SPATS2L: variants seen among roughly 807,000 people sequenced by gnomAD.
The protein encoded by SPATS2L is spermatogenesis associated serine rich 2 like.
Under a neutral mutation model 59.6 loss-of-function variants are expected in SPATS2L, and 30 were observed. That is an observed-to-expected ratio of 0.50 (90% confidence interval 0.38 to 0.68). The LOEUF is 0.68. SPATS2L is among the 30% of genes least tolerant of loss of function. The pLI is 0.00. For synonymous variants in SPATS2L, 252 were observed against 263.5 expected (o/e 0.96, Z 0.42); for missense variants, 615 against 700.0 (o/e 0.88, Z 1.37).
At chr2:200,372,694 A>T (rs2081468659) in intron 2 of SPATS2L, among the ~76,000 whole-genome samples, 1 of 152,176 alleles carries the variant, frequency 6.6e-6, no homozygotes, top group African/African-American at 2.4e-5. Context: ...ATGGCACCAG[A>T]CTAGTGGAAT....
intron 3 of SPATS2L, among the ~76,000 whole-genome samples, chr2:200,391,115 G>A (rs796277263): frequency 3.9e-5 from 6 of 152,216 alleles, no homozygotes; most frequent in Non-Finnish European, 5.9e-5. Context: ...AGCCAAGATC[G>A]CGCCACTGCA....
intron 2 of SPATS2L, among the ~76,000 whole-genome samples, chr2:200,364,617 C>T (rs527654411): frequency 4.6e-5 from 7 of 152,328 alleles, no homozygotes; most frequent in Admixed American, 3.9e-4. Context: ...TTTTATTTCA[C>T]TTGTTGCCAA....
At chr2:200,440,811 A>C (rs889620274) in intron 8 of SPATS2L, 27 bp downstream of exon 8, 14 of 1,609,642 alleles carry the variant, frequency 8.7e-6, no homozygotes, top group Non-Finnish European at 1.2e-5. Context: ...AGGAACCATA[A>C]ATTTGTGATG....
intron 10 of SPATS2L, 122 bp downstream of exon 10, chr2:200,467,521 C>G (rs950084206): frequency 4.4e-6 from 3 of 682,250 alleles, no homozygotes; most frequent in Non-Finnish European, 7.8e-6. Flanking sequence ...CTCTCTTCCA[C>G]AGGGTGGAAA....
At chr2:200,468,448 A>C (rs1346898133) in intron 10 of SPATS2L, among the ~76,000 whole-genome samples, 1 of 150,542 alleles carries the variant, frequency 6.6e-6, no homozygotes, top group Admixed American at 6.7e-5. Flanking sequence ...GCTAGCTTTG[A>C]AAGTAAGATT....
At chr2:200,390,254 A>G (rs1310050570) in intron 3 of SPATS2L, 2 of 152,264 alleles carry the variant, frequency 1.3e-5, no homozygotes, top group Admixed American at 6.5e-5. Context: ...GCAACAGGGT[A>G]ATAGACCCAA....
At chr2:200,369,684 G>A (rs752124244) in intron 2 of SPATS2L, among the ~76,000 whole-genome samples, 9 of 151,952 alleles carry the variant, frequency 5.9e-5, no homozygotes, top group Non-Finnish European at 1.2e-4. Context: ...GACATAAAAA[G>A]CTGGTAAGAA....
At chr2:200,386,833 A>C (rs574323370) in intron 2 of SPATS2L, among the ~76,000 whole-genome samples, 3 of 151,498 alleles carry the variant, frequency 2.0e-5, no homozygotes, top group Non-Finnish European at 4.4e-5. Flanking sequence ...CTCCCCCTCC[A>C]TCCCCCTCTC....
At chr2:200,422,838 A>G (rs1365796248) in intron 6 of SPATS2L, among the ~76,000 whole-genome samples, 1 of 152,170 alleles carries the variant, frequency 6.6e-6, no homozygotes, top group East Asian at 1.9e-4. Context: ...AAAAATAACC[A>G]ATAATAAATA....
chr2:200,330,095 T>C (rs1261355627), intron 2 of SPATS2L, among the ~76,000 whole-genome samples: 2 of 135,948 alleles, frequency 1.5e-5, no homozygotes, highest in Non-Finnish European at 1.6e-5. Context: ...TTCTGAGCCT[T>C]GGTTTCCTCT....
intron 1 of SPATS2L, chr2:200,309,034 C>T (rs188929910): frequency 1.1e-5 from 8 of 717,856 alleles, no homozygotes; most frequent in Admixed American, 1.0e-4. Context: ...TAGGCCACAC[C>T]GTTGCAGTCT....
intron 3 of SPATS2L, among the ~76,000 whole-genome samples, chr2:200,407,932 T>C (rs2082743266): frequency 6.6e-6 from 1 of 152,188 alleles, no homozygotes; most frequent in South Asian, 2.1e-4. Context: ...AAATACCTAC[T>C]ACATGCACCG....
At chr2:200,319,433 C>T (rs1251860718) in intron 1 of SPATS2L, among the ~76,000 whole-genome samples, 1 of 151,976 alleles carries the variant, frequency 6.6e-6, no homozygotes, top group Admixed American at 6.6e-5. Flanking sequence ...AGCATGGTGG[C>T]GTATGCCTGT....
rs191021152 is a variant in SPATS2L at position 200,364,412 on chromosome 2, G to A, written c.-22-24811G>A. 3.9e-5 allele frequency among the ~76,000 whole-genome samples: 6 copies of A among 152,114 alleles called. No homozygotes were observed. In the East Asian group the frequency reaches 9.7e-4, roughly 25 times the overall value. ...ATAGGGAACATAGTGATGTATCTCC[G>A]CCTTGCCAGCGTTCAGACGGGCAAG... On this transcript the variant is annotated intron_variant, in intron 2 of 12. Transcript: ENST00000409140.
chr2:200,446,805 A>G (rs2085077809), intron 8 of SPATS2L, among the ~76,000 whole-genome samples: 1 of 152,170 alleles, frequency 6.6e-6, no homozygotes. Context: ...CACATACCCA[A>G]AGAAACACTA....
At chr2:200,391,857 AC>A (rs199516770) in intron 3 of SPATS2L, among the ~76,000 whole-genome samples, 1,657 of 152,212 alleles carry the variant, frequency 0.011, 34 homozygotes, top group African/African-American at 0.037. Flanking sequence ...CATCAAAATG[AC>A]CCCAAGACAC....
At chr2:200,455,713 C>T (rs918364718) in intron 8 of SPATS2L, among the ~76,000 whole-genome samples, 3 of 152,168 alleles carry the variant, frequency 2.0e-5, no homozygotes, top group Non-Finnish European at 4.4e-5. Context: ...CTCGCTCCTC[C>T]CTCCATATCT....
intron 9 of SPATS2L, among the ~76,000 whole-genome samples, chr2:200,466,322 G>C (rs1465971949): frequency 2.6e-5 from 4 of 152,178 alleles, no homozygotes; most frequent in Non-Finnish European, 5.9e-5. Flanking sequence ...ACCTCAAAAT[G>C]CTTGTCCTAA....
intron 6 of SPATS2L, among the ~76,000 whole-genome samples, chr2:200,424,559 C>T (rs1348027739): frequency 6.6e-6 from 1 of 151,906 alleles, no homozygotes; most frequent in South Asian, 2.1e-4. Context: ...TTTCTAAGAC[C>T]CTATCTAAAT....
Sources: gnomAD v4.1 joint callset for allele counts (sites outside exome capture counted in the v4.1 genomes callset) on GRCh38, gnomAD v4.1.1 for gene constraint, MANE v1.5 for transcripts, NCBI Gene and HGNC (gene_info 2026-07-23, HGNC 2026-07-21) for gene names.